Variants in DMGDH observed in about 807,000 individuals in gnomAD.
DMGDH encodes dimethylglycine dehydrogenase, mitochondrial.
In DMGDH, 76 loss-of-function variants were observed where a neutral mutation model predicts 95.2. That is an observed-to-expected ratio of 0.80 (90% confidence interval 0.66 to 0.97). The LOEUF (loss-of-function observed/expected upper bound fraction) is 0.97, where lower values mean the gene tolerates loss of function less well. Among genes scored for constraint, DMGDH ranks in the 50% least tolerant of loss-of-function variants. DMGDH has a pLI of 0.00. For synonymous variants in DMGDH, 345 were observed against 377.6 expected, an observed-to-expected ratio of 0.91 and a Z score of 1.00; for missense variants, 987 against 1,055.0, an observed-to-expected ratio of 0.94 and a Z score of 0.89.
intron 14 of DMGDH, among the ~76,000 whole-genome samples, chr5:79,007,277 C>A (rs1349405166): frequency 6.6e-6 from 1 of 152,110 alleles, no homozygotes; most frequent in East Asian, 1.9e-4. Flanking sequence ...TGTGGAGGTC[C>A]ACTTACATGT....
intron 14 of DMGDH, among the ~76,000 whole-genome samples, chr5:79,008,350 C>T (rs1753585200): frequency 6.7e-6 from 1 of 148,204 alleles, no homozygotes; most frequent in South Asian, 2.2e-4. Flanking sequence ...TCTGTACTTA[C>T]ATTATAATCT....
At position 79,024,338 on chromosome 5, in the gene DMGDH, G is replaced by C. The variant is rs1236205325; in HGVS notation, c.2191-8C>G. 2.5e-6 allele frequency: 4 copies of C among 1,612,742 alleles called. No homozygotes were observed. The highest frequency in any genetic ancestry group is 2.2e-5 in the South Asian group (2 of 91,040). On this transcript the variant is annotated splice_polypyrimidine_tract_variant and splice_region_variant and intron_variant, in intron 13 of 15. Transcript: ENST00000255189. ...ATTTGTATCACAGTTCATCTAAAAA[G>C]GAAACACACATTTTAAATCTTAGAT...
intron 5 of DMGDH, among the ~76,000 whole-genome samples, chr5:79,046,056 GTGTTTTGTTTTGTTT>G (rs71974072): frequency 0.098 from 14,473 of 147,772 alleles, 1,706 homozygotes; most frequent in African/African-American, 0.28. Flanking sequence ...CTATTTGCCG[GTGTTTTGTTTTGTTT>G]TGTTTTGTTT....
At chr5:79,030,066 TG>T in intron 10 of DMGDH, 32 bp from the exon 11 acceptor site, 1 of 1,592,528 alleles carries the variant, frequency 6.3e-7, no homozygotes, top group Non-Finnish European at 8.6e-7. Flanking sequence ...TACCTTAGGA[TG>T]AACTAAAAAT....
Position 79,033,251 on chromosome 5 carries a change from A to C in DMGDH, c.1351T>G (p.Phe451Val), listed in dbSNP as rs1754243846. ...ATTTGTACCTTACCAATATTGTTGA[A>C]TCCATATGATTCTCTTGCTTTGGCC... ...TEAKARESYG[F>V]NNIVGYPKEE... is the part of the protein sequence containing the mutation. The change falls in exon 8 of 16, where the codon TTC becomes GTC. Residue 451 changes from phenylalanine to valine, a missense_variant. By Grantham distance (50) the Phe-to-Val change is conservative (BLOSUM62 -1). Transcript: ENST00000255189. 6.2e-7 allele frequency: 1 copy of C among 1,614,156 alleles called. No individual in the cohort carries two copies. Among genetic ancestry groups the C allele is most frequent in the Non-Finnish European group, 8.5e-7 (1 of 1,180,020 alleles).
chr5:79,012,800 G>C (rs921013799), intron 14 of DMGDH, among the ~76,000 whole-genome samples: 1 of 152,260 alleles, frequency 6.6e-6, no homozygotes, highest in Non-Finnish European at 1.5e-5. Flanking sequence ...AGCTGGAGCA[G>C]CTGGGATGCA....
At chr5:79,058,122 T>C (rs1755085276) in intron 2 of DMGDH, among the ~76,000 whole-genome samples, 1 of 152,202 alleles carries the variant, frequency 6.6e-6, no homozygotes, top group South Asian at 2.1e-4. Flanking sequence ...CGCAACAGTA[T>C]ACCCAGTTCT....
chr5:79,006,937 T>TGAC (rs1318144712), intron 14 of DMGDH, among the ~76,000 whole-genome samples: 14 of 151,246 alleles, frequency 9.3e-5, no homozygotes, highest in Admixed American at 5.9e-4. Context: ...TTTAAATTGC[T>TGAC]GACCTACACA....
chr5:79,033,380 C>T lies in DMGDH; in HGVS notation c.1222G>A (p.Gly408Arg). The T allele has an allele frequency of 6.2e-7, 1 of 1,614,178 alleles. No homozygotes were observed. The highest frequency in any genetic ancestry group is 8.5e-7 in the Non-Finnish European group (1 of 1,180,034). The part of the protein sequence containing the change: ...GYGIIHAGGV[G>R]KYLSDWILHG... ...AGGATCCAGTCACTGAGATATTTCCCTACCCCACCAGCGTGGATTATGCCA... is the reference window on the plus strand; with the variant it reads ...AGGATCCAGTCACTGAGATATTTCCTTACCCCACCAGCGTGGATTATGCCA... Residue 408 changes from glycine to arginine, a missense_variant, in exon 8 of 16, where the codon GGG becomes AGG. Coordinates refer to ENST00000255189, the MANE Select transcript of DMGDH (RefSeq NM_013391.3).
chr5:79,049,553 G>A (rs1482156233), intron 5 of DMGDH, among the ~76,000 whole-genome samples: 1 of 152,138 alleles, frequency 6.6e-6, no homozygotes, highest in Non-Finnish European at 1.5e-5. Context: ...GATGAAAACA[G>A]TCAAATGTTT....
At position 79,032,796 on chromosome 5, in the gene DMGDH, G is replaced by A. The variant is rs745676529; in HGVS notation, c.1408C>T (p.Arg470Ter). The change falls in exon 9 of 16, where the codon CGA becomes TGA. Residue 470 changes from arginine to a stop codon, truncating the protein, a stop_gained. Coordinates refer to ENST00000255189, the MANE Select transcript of DMGDH (RefSeq NM_013391.3). LOFTEE classifies it high-confidence loss of function. Reference sequence around the variant, plus strand: ...AGCCTTTGATAGAGCCCACTGACTCGTTGAGTCGGCCTCCCAGCAAACCGT... The same window carrying A: ...AGCCTTTGATAGAGCCCACTGACTCATTGAGTCGGCCTCCCAGCAAACCGT... ...EERFAGRPTQ[R>*]VSGLYQRLES... is the part of the protein sequence containing the mutation. The A allele has an allele frequency of 1.3e-5, 21 of 1,614,150 alleles. No homozygotes were observed. The highest frequency in any genetic ancestry group is 6.7e-5 in the Admixed American group (4 of 60,016).
intron 14 of DMGDH, among the ~76,000 whole-genome samples, chr5:79,018,229 G>A (rs1256585495): frequency 6.6e-6 from 1 of 151,934 alleles, no homozygotes; most frequent in African/African-American, 2.4e-5. Flanking sequence ...TTGTGGAGAT[G>A]GAAGTCTCAC....
intron 14 of DMGDH, among the ~76,000 whole-genome samples, chr5:79,019,879 C>T (rs1169023766): frequency 6.6e-6 from 1 of 151,960 alleles, no homozygotes; most frequent in African/African-American, 2.4e-5. Context: ...GGCAAGACTC[C>T]GTCTCAATAA....
intron 14 of DMGDH, among the ~76,000 whole-genome samples, chr5:79,019,614 G>T (rs1253764779): frequency 1.3e-5 from 2 of 152,148 alleles, no homozygotes; most frequent in Non-Finnish European, 2.9e-5. Context: ...GCCAAGTGCG[G>T]TGACTCATGC....
intron 14 of DMGDH, among the ~76,000 whole-genome samples, chr5:79,019,943 C>T (rs2112610479): frequency 6.6e-6 from 1 of 152,196 alleles, no homozygotes; most frequent in East Asian, 1.9e-4. Context: ...TGGGCTCCAC[C>T]CTGGCAGCTT....
rs754161137 is a variant in DMGDH at position 79,026,463 on chromosome 5, G to C, written c.2151C>G (p.Ala717=). The change falls in exon 13 of 16, where the codon GCC becomes GCG. Residue 717 remains alanine, a synonymous_variant. Coordinates refer to ENST00000255189, the MANE Select transcript of DMGDH (RefSeq NM_013391.3). ...CTCTGAAGGCTTTCTCCAGGCGTAA[G>C]GCATTCATGGCATAGGTTCCAAAAT... The part of the protein sequence containing the change: ...IDNFGTYAMN[A]LRLEKAFRAW... The C allele has an allele frequency of 6.2e-7, 1 of 1,614,104 alleles. No individual in the cohort carries two copies. The highest frequency in any genetic ancestry group is 8.5e-7 in the Non-Finnish European group (1 of 1,180,006).
At chr5:79,051,666 G>A (rs1383924941) in intron 4 of DMGDH, among the ~76,000 whole-genome samples, 175 bp from the exon 5 acceptor site, 1 of 152,170 alleles carries the variant, frequency 6.6e-6, no homozygotes, top group Non-Finnish European at 1.5e-5. Context: ...GTCCTGGACT[G>A]CTGAAAAGAA....
chr5:79,028,336 A>C lies in DMGDH; in HGVS notation c.2032+97T>G, dbSNP rs1754056642. On this transcript the variant is annotated intron_variant, in intron 12 of 15. Transcript: ENST00000255189. Reference sequence around the variant, plus strand: ...AGTGTGCACATGCATACACACTCACACATTTCTTGTGACATGACCTTTTAA... The same window carrying C: ...AGTGTGCACATGCATACACACTCACCCATTTCTTGTGACATGACCTTTTAA... The C allele has an allele frequency of 2.8e-6, 3 of 1,089,174 alleles. No homozygotes were observed. In the South Asian group the frequency reaches 4.1e-5, roughly 15 times the overall value. 67.5% of individuals were successfully genotyped at this position (1,089,174 alleles called of 1,614,324 possible).
rs757335643 is a variant in DMGDH, at chr5:78,998,110, T to G, written c.2573A>C (p.Gln858Pro). ...VLTEPTRNRL[Q>P]KKGGKDKT Reference sequence around the variant, plus strand: ...AGTTTTGTCCTTTCCACCTTTTTTCTGAAGCCGGTTTCTGGTTGGTTCGGT... The same window carrying G: ...AGTTTTGTCCTTTCCACCTTTTTTCGGAAGCCGGTTTCTGGTTGGTTCGGT... The change falls in exon 16 of 16, where the codon CAG becomes CCG. Residue 858 changes from glutamine (Q) to proline (P), a missense_variant. Transcript: ENST00000255189. The G allele has an allele frequency of 2.5e-5, 41 of 1,614,130 alleles. No individual in the cohort carries two copies. The highest frequency in any genetic ancestry group is 2.4e-4 in the South Asian group (22 of 91,086).
Sources: gnomAD v4.1 joint callset for allele counts (sites outside exome capture counted in the v4.1 genomes callset) on GRCh38, gnomAD v4.1.1 for gene constraint, MANE v1.5 for transcripts, NCBI Gene and HGNC (gene_info 2026-07-23, HGNC 2026-07-21) for gene names.